Variants in ZBBX observed in about 807,000 individuals in gnomAD.
The protein encoded by ZBBX is zinc finger B-box domain-containing protein 1.
In ZBBX, 101 loss-of-function variants were observed where a neutral mutation model predicts 108.5. The ratio of observed to expected loss-of-function variants is 0.93; its 90% CI spans 0.79 to 1.10. The LOEUF (loss-of-function observed/expected upper bound fraction) is 1.10, where lower values mean the gene tolerates loss of function less well. Among genes scored for constraint, ZBBX ranks in the 50% least tolerant of loss-of-function variants. ZBBX has a pLI of 0.00. For synonymous variants in ZBBX, 356 were observed against 323.4 expected (o/e 1.10, Z -1.08); for missense variants, 1,009 against 941.4 (o/e 1.07, Z -0.94).
At position 167,325,685 on chromosome 3, in the gene ZBBX, C is replaced by A. The variant is rs79542997; in HGVS notation, c.862+2257G>T. Reference sequence around the variant, plus strand: ...TACTGCTTTTGCACATCATTTGACCCCACCACATAGCGTGTACTCAATATT... The same window carrying A: ...TACTGCTTTTGCACATCATTTGACCACACCACATAGCGTGTACTCAATATT... On this transcript the variant is annotated intron_variant, in intron 11 of 21. Transcript: ENST00000675490. 6.1e-3 allele frequency among the ~76,000 whole-genome samples: 928 copies of A among 152,122 alleles called. 32 individuals carry two copies. The East Asian group carries it at 0.069, about 11-fold the overall frequency.
chr3:167,204,904 CAAA>C, the ZBBX span, among the ~76,000 whole-genome samples: 2 of 124,350 alleles, frequency 1.6e-5, no homozygotes, highest in Admixed American at 8.2e-5. Flanking sequence ...GAACTCAGAC[CAAA>C]AAAAAAAAAG....
chr3:167,375,288 C>A (rs1470014605), intron 2 of ZBBX, among the ~76,000 whole-genome samples: 3 of 152,138 alleles, frequency 2.0e-5, no homozygotes, highest in Non-Finnish European at 4.4e-5. Flanking sequence ...TCTTTTGAAA[C>A]TGTCTAGAGA....
At chr3:167,192,605 T>A in the ZBBX span, among the ~76,000 whole-genome samples, 2 of 152,174 alleles carry the variant, frequency 1.3e-5, no homozygotes, top group East Asian at 1.9e-4. Flanking sequence ...CACCAATAAT[T>A]CTTAGATTTG....
At chr3:167,212,769 A>G in the ZBBX span, among the ~76,000 whole-genome samples, 1 of 152,306 alleles carries the variant, frequency 6.6e-6, no homozygotes, top group East Asian at 1.9e-4. Context: ...CAGCACTCAA[A>G]GGGAAGAGGA....
the ZBBX span, among the ~76,000 whole-genome samples, chr3:167,199,221 A>G: frequency 6.6e-6 from 1 of 152,136 alleles, no homozygotes; most frequent in Non-Finnish European, 1.5e-5. Flanking sequence ...TATGCCTTGT[A>G]ATTGAATTGT....
the ZBBX span, among the ~76,000 whole-genome samples, chr3:167,227,004 T>C: frequency 3.3e-5 from 5 of 151,782 alleles, no homozygotes; most frequent in Non-Finnish European, 5.9e-5. Context: ...GTTGTATCTA[T>C]CCACAAATTG....
chr3:167,346,963 C>A (rs796949532), intron 9 of ZBBX, among the ~76,000 whole-genome samples: 14 of 151,680 alleles, frequency 9.2e-5, no homozygotes, highest in African/African-American at 3.4e-4. Context: ...ATGGGCAAGA[C>A]CAGAATAAAG....
intron 17 of ZBBX, among the ~76,000 whole-genome samples, chr3:167,304,310 T>C (rs756795516): frequency 6.6e-6 from 1 of 152,164 alleles, no homozygotes. Context: ...TCCTCACTTA[T>C]TACACAGCTC....
chr3:167,346,564 G>A (rs2108472441), intron 9 of ZBBX, among the ~76,000 whole-genome samples: 1 of 152,040 alleles, frequency 6.6e-6, no homozygotes, highest in Non-Finnish European at 1.5e-5. Context: ...AATATAAAGT[G>A]TAATCACCGT....
At chr3:167,339,960 G>T (rs1293681062) in intron 9 of ZBBX, among the ~76,000 whole-genome samples, 1 of 151,804 alleles carries the variant, frequency 6.6e-6, no homozygotes, top group Non-Finnish European at 1.5e-5. Flanking sequence ...GATGGTTTCC[G>T]GCTTCTTCCA....
chr3:167,240,283 C>T lies in ZBBX; in HGVS notation c.*510G>A, dbSNP rs1004665767. ...AGAGCAGAGTATGAAAAGTTTCACA[C>T]CCATTTTATTTTTGGTCCTCTTTTT... is the stretch of plus-strand genomic sequence containing the variant. On this transcript the variant is annotated 3_prime_UTR_variant, in exon 22 of 22. Coordinates refer to ENST00000675490, the MANE Select transcript of ZBBX (RefSeq NM_001199201.2). 6.5e-6 allele frequency: 1 copy of T among 152,734 alleles called. No individual in the cohort carries two copies. The highest frequency in any genetic ancestry group is 2.4e-5 in the African/African-American group (1 of 41,430). The allele number at this position is 152,734 out of a possible 1,614,324, so 9.5% of individuals were successfully genotyped here.
At chr3:167,405,426 G>T (rs1203426529) in intron 1 of ZBBX, among the ~76,000 whole-genome samples, 1 of 152,132 alleles carries the variant, frequency 6.6e-6, no homozygotes, top group East Asian at 1.9e-4. Flanking sequence ...ACCAAAGAGA[G>T]ATAGGAATTT....
chr3:167,371,019 A>T (rs980185285), intron 4 of ZBBX, among the ~76,000 whole-genome samples: 11 of 152,148 alleles, frequency 7.2e-5, no homozygotes, highest in Non-Finnish European at 1.5e-4. Context: ...GAACACCAGA[A>T]TGTCAGACAA....
At chr3:167,353,164 GA>G (rs1742958687) in intron 8 of ZBBX, among the ~76,000 whole-genome samples, 1 of 152,054 alleles carries the variant, frequency 6.6e-6, no homozygotes, top group African/African-American at 2.4e-5. Flanking sequence ...ATCCAAATTG[GA>G]AAAGAGGAAG....
the ZBBX span, among the ~76,000 whole-genome samples, chr3:167,231,679 A>G: frequency 6.6e-6 from 1 of 151,830 alleles, no homozygotes; most frequent in Admixed American, 6.6e-5. Flanking sequence ...GGAAGACATG[A>G]CAGTATGCTG....
chr3:167,285,574 G>A (rs1217751007), intron 19 of ZBBX, among the ~76,000 whole-genome samples: 1 of 152,060 alleles, frequency 6.6e-6, no homozygotes, highest in Admixed American at 6.6e-5. Flanking sequence ...GAATGTTATT[G>A]TGTTATCTTA....
intron 14 of ZBBX, 72 bp from the exon 15 acceptor site, chr3:167,315,901 G>A (rs1735371296): frequency 1.1e-6 from 1 of 910,342 alleles, no homozygotes; most frequent in Admixed American, 2.4e-5. Flanking sequence ...ACTTACTTAT[G>A]GGTGATATTT....
chr3:167,242,423 T>C (rs534064202), intron 21 of ZBBX, 82 bp downstream of exon 21: 30 of 1,183,620 alleles, frequency 2.5e-5, no homozygotes, highest in Non-Finnish European at 2.5e-5. Context: ...AATCTTTCTA[T>C]ATATAATAAA....
At chr3:167,330,868 G>A (rs13066211) in intron 10 of ZBBX, among the ~76,000 whole-genome samples, 2,553 of 42,488 alleles carry the variant, frequency 0.06, 50 homozygotes, top group African/African-American at 0.16. Flanking sequence ...GGAGGAGGAG[G>A]AGGAGAAGAA....
Sources: gnomAD v4.1 joint callset for allele counts (sites outside exome capture counted in the v4.1 genomes callset) on GRCh38, gnomAD v4.1.1 for gene constraint, MANE v1.5 for transcripts, NCBI Gene and HGNC (gene_info 2026-07-23, HGNC 2026-07-21) for gene names.